The following ELL2 variants were observed in gnomAD, a reference collection of about 807,000 sequenced individuals.
ELL2 encodes RNA polymerase II elongation factor ELL2.
In ELL2, 21 loss-of-function variants were observed where a neutral mutation model predicts 72.8. That is an observed-to-expected ratio of 0.29 (90% CI 0.20 to 0.42). The LOEUF is 0.42. Ranked by LOEUF, ELL2 falls within the 10% of genes least tolerant of loss-of-function variation. The probability of loss-of-function intolerance (pLI) is 1.00; values close to 1 mark genes in which losing one functional copy is unlikely to be tolerated. For missense variants in ELL2, 568 were observed against 772.8 expected (o/e 0.73, Z 3.14); for synonymous variants, 266 against 283.2 (o/e 0.94, Z 0.61).
At chr5:95,890,605 C>T (rs955294902) in intron 10 of ELL2, among the ~76,000 whole-genome samples, 6 of 152,154 alleles carry the variant, frequency 3.9e-5, no homozygotes, top group Non-Finnish European at 5.9e-5. Context: ...AACAAAGATC[C>T]GTCTTTGTAG....
At chr5:95,961,417 G>C (rs949016314) in intron 1 of ELL2, among the ~76,000 whole-genome samples, 158 bp downstream of exon 1, 3 of 151,622 alleles carry the variant, frequency 2.0e-5, no homozygotes, top group Non-Finnish European at 4.4e-5. Context: ...GGACCGCGGC[G>C]TCAGCCACCC....
intron 1 of ELL2, among the ~76,000 whole-genome samples, chr5:95,949,711 A>G (rs1407365695): frequency 6.6e-6 from 1 of 152,160 alleles, no homozygotes; most frequent in East Asian, 1.9e-4. Context: ...AAAAAAAAAA[A>G]AAAAATTCCA....
chr5:95,923,035 T>C (rs1357342423), intron 2 of ELL2, among the ~76,000 whole-genome samples: 4 of 152,034 alleles, frequency 2.6e-5, no homozygotes, highest in African/African-American at 9.7e-5. Flanking sequence ...AAAATATCAG[T>C]AGGGCCAAGG....
intron 5 of ELL2, 22 bp downstream of exon 5, chr5:95,906,501 A>C: frequency 6.4e-7 from 1 of 1,566,932 alleles, no homozygotes; most frequent in Non-Finnish European, 8.7e-7. Flanking sequence ...AGCAGGAAGG[A>C]CCTCTCTCCA....
chr5:95,903,690 C>A (rs934203416), intron 5 of ELL2, among the ~76,000 whole-genome samples: 4 of 152,134 alleles, frequency 2.6e-5, no homozygotes, highest in African/African-American at 4.8e-5. Context: ...ATATATGCTG[C>A]TAATTCCTAA....
rs138284973 is a variant in ELL2, at chr5:95,943,343, T to G, written c.148-294A>C. 6.6e-5 allele frequency among the ~76,000 whole-genome samples: 10 copies of G among 152,254 alleles called. No homozygotes were observed. The East Asian group carries it at 1.9e-3, about 29-fold the overall frequency. On this transcript the variant is annotated intron_variant, in intron 1 of 11. Coordinates refer to ENST00000237853, the MANE Select transcript of ELL2 (RefSeq NM_012081.6). Reference sequence around the variant, plus strand: ...TGTGTGAAAATCTCTTTTCATTATATACTTTCTTTTGCATGTTACTATATT... The same window carrying G: ...TGTGTGAAAATCTCTTTTCATTATAGACTTTCTTTTGCATGTTACTATATT...
At chr5:95,892,449 T>A (rs1016255165) in intron 9 of ELL2, among the ~76,000 whole-genome samples, 1 of 152,170 alleles carries the variant, frequency 6.6e-6, no homozygotes, top group African/African-American at 2.4e-5. Flanking sequence ...GCCTGGCCTA[T>A]TACATATTAC....
At chr5:95,924,522 C>A (rs1334042419) in intron 2 of ELL2, among the ~76,000 whole-genome samples, 2 of 152,116 alleles carry the variant, frequency 1.3e-5, no homozygotes, top group Non-Finnish European at 2.9e-5. Context: ...GACTCACAAT[C>A]TTGAATTTTT....
At chr5:95,959,443 C>G (rs906420280) in intron 1 of ELL2, among the ~76,000 whole-genome samples, 1 of 152,188 alleles carries the variant, frequency 6.6e-6, no homozygotes, top group Non-Finnish European at 1.5e-5. Context: ...TTCCTTCCCA[C>G]GCCCTTCCCT....
At chr5:95,931,978 GT>G (rs10627430) in intron 2 of ELL2, among the ~76,000 whole-genome samples, 5,143 of 140,632 alleles carry the variant, frequency 0.037, 143 homozygotes, top group Admixed American at 0.077. Flanking sequence ...CTGTGGGGGT[GT>G]TTTTTTTTTT....
intron 10 of ELL2, 90 bp from the exon 11 acceptor site, chr5:95,889,220 G>T: frequency 9.9e-7 from 1 of 1,011,034 alleles, no homozygotes; most frequent in Non-Finnish European, 1.5e-6. Flanking sequence ...CAAGAGTATA[G>T]GAAATATTGA....
intron 5 of ELL2, among the ~76,000 whole-genome samples, chr5:95,902,486 A>G (rs77331051): frequency 0.043 from 6,603 of 152,272 alleles, 248 homozygotes; most frequent in African/African-American, 0.092. Flanking sequence ...CACGTGCCAA[A>G]CCAAAAGTAA....
At position 95,898,612 on chromosome 5, in the gene ELL2, T is replaced by C; in HGVS notation, c.1153A>G (p.Ile385Val). The C allele has an allele frequency of 6.2e-7, 1 of 1,613,278 alleles. No homozygotes were observed. The highest frequency in any genetic ancestry group is 8.5e-7 in the Non-Finnish European group (1 of 1,179,606). The change falls in exon 8 of 12, where the codon ATC (isoleucine) becomes GTC (valine). Residue 385 changes from isoleucine to valine, a missense_variant. Around this residue, in one of 2 missense-constraint regions of ELL2, gnomAD observed 511 missense variants for 728.4 expected, o/e 0.70. Transcript: ENST00000237853. Reference protein sequence around the residue: ...PPPLPSTYLPISHPPQIVNSN... With the variant: ...PPPLPSTYLPVSHPPQIVNSN... ...TTTACAATCTGAGGAGGATGTGAGA[T>C]GGGCAGATAGGTTGAAGGCAGCGGT...
At chr5:95,906,430 T>C in intron 5 of ELL2, 93 bp downstream of exon 5, 4 of 1,357,054 alleles carry the variant, frequency 2.9e-6, no homozygotes, top group Non-Finnish European at 4.0e-6. Flanking sequence ...TTTCTCTATC[T>C]CAATAATAAT....
rs182294996 is a variant in ELL2 at position 95,886,981 on chromosome 5, A to C, written c.*1890T>G. ...TACCTATAGACGAACCACTCAGGAGACTCTATCATAATAATATGATGCCTG... is the reference window on the plus strand; with the variant it reads ...TACCTATAGACGAACCACTCAGGAGCCTCTATCATAATAATATGATGCCTG... On this transcript the variant is annotated 3_prime_UTR_variant, in exon 12 of 12. Coordinates refer to ENST00000237853, the MANE Select transcript of ELL2 (RefSeq NM_012081.6). 1 of 152,136 alleles carries C rather than the reference A, an allele frequency of 6.6e-6. No homozygotes were observed. The highest frequency in any genetic ancestry group is 1.5e-5 in the Non-Finnish European group (1 of 68,022). The allele number at this position is 152,136 out of a possible 1,614,324, so 9.4% of individuals were successfully genotyped here. A position where few individuals can be genotyped will look rare whatever the true frequency, so the allele number is the denominator to read the frequency against.
intron 2 of ELL2, among the ~76,000 whole-genome samples, chr5:95,926,695 T>C (rs1750293689): frequency 6.6e-6 from 1 of 152,196 alleles, no homozygotes; most frequent in Non-Finnish European, 1.5e-5. Context: ...GATTTCCTAT[T>C]TCTCTTATTT....
At chr5:95,928,117 T>C (rs1486635811) in intron 2 of ELL2, among the ~76,000 whole-genome samples, 1 of 151,696 alleles carries the variant, frequency 6.6e-6, no homozygotes, top group Non-Finnish European at 1.5e-5. Context: ...AGGGGAAAGA[T>C]GGAAATAGCA....
At chr5:95,913,746 G>A (rs745883291) in intron 4 of ELL2, 25 bp downstream of exon 4, 1 of 1,556,640 alleles carries the variant, frequency 6.4e-7, no homozygotes, top group Non-Finnish European at 8.7e-7. Context: ...CAATCAGCAA[G>A]AGGAAGAAAG....
intron 2 of ELL2, among the ~76,000 whole-genome samples, chr5:95,936,791 C>G (rs1050830839): frequency 1.3e-5 from 2 of 152,092 alleles, no homozygotes; most frequent in African/African-American, 4.8e-5. Context: ...ATATTATTTT[C>G]CAAGCTTAAA....
Sources: allele counts gnomAD v4.1 joint callset (sites outside exome capture counted in the v4.1 genomes callset), GRCh38; gene constraint gnomAD v4.1.1; regional missense constraint gnomAD v4.1.1; transcripts MANE v1.5; gene names NCBI Gene and HGNC (gene_info 2026-07-23, HGNC 2026-07-21).